Variants in PAPPA observed in about 807,000 individuals in gnomAD.
PAPPA encodes the protein pappalysin-1.
In PAPPA, 60 loss-of-function variants were observed where a neutral mutation model predicts 164.0. That is an observed-to-expected ratio of 0.37 (90% confidence interval 0.30 to 0.45). The LOEUF (loss-of-function observed/expected upper bound fraction) is 0.45, where lower values mean the gene tolerates loss of function less well. PAPPA is among the 20% of genes least tolerant of loss of function. The probability of loss-of-function intolerance (pLI) is 1.00; values close to 1 mark genes in which losing one functional copy is unlikely to be tolerated. For missense variants in PAPPA, 1,782 were observed against 2,087.3 expected, an observed-to-expected ratio of 0.85 and a Z score of 2.85; for synonymous variants, 875 against 814.1, an observed-to-expected ratio of 1.07 and a Z score of -1.27.
chr9:116,353,754 T>C lies in PAPPA; in HGVS notation c.4308T>C (p.Ser1436=), dbSNP rs752442063. The C allele has an allele frequency of 3.1e-6, 5 of 1,614,004 alleles. No homozygotes were observed. In the South Asian group the frequency reaches 5.5e-5, roughly 18 times the overall value. ...GTACTAATGGCTTCCAGTTCAACAG[T>C]GAGTGTAGGATCAAGTGTGAAGACA... ...YQCTNGFQFN[S]ECRIKCEDSD... The change falls in exon 17 of 22, where the codon AGT becomes AGC. Residue 1436 remains serine (S), a synonymous_variant. Coordinates refer to ENST00000328252, the MANE Select transcript of PAPPA (RefSeq NM_002581.5).
At chr9:116,218,360 A>G (rs1386702226) in intron 4 of PAPPA, among the ~76,000 whole-genome samples, 1 of 152,238 alleles carries the variant, frequency 6.6e-6, no homozygotes, top group Non-Finnish European at 1.5e-5. Flanking sequence ...AAACCAGTAT[A>G]TGCTGCAGGA....
intron 19 of PAPPA, among the ~76,000 whole-genome samples, chr9:116,376,507 G>A (rs1308506641): frequency 6.6e-6 from 1 of 152,042 alleles, no homozygotes; most frequent in Non-Finnish European, 1.5e-5. Context: ...AACAGCTATG[G>A]AGCATGGGGA....
At chr9:116,267,896 A>AG (rs1564204587) in intron 8 of PAPPA, among the ~76,000 whole-genome samples, 3 of 151,104 alleles carry the variant, frequency 2.0e-5, no homozygotes, top group Non-Finnish European at 4.4e-5. Context: ...AAAAAAAAAA[A>AG]AAAAAAAAAA....
intron 1 of PAPPA, among the ~76,000 whole-genome samples, chr9:116,167,078 T>G (rs1843726967): frequency 1.3e-5 from 2 of 152,190 alleles, no homozygotes; most frequent in South Asian, 4.1e-4. Context: ...TTGCAGGTGA[T>G]TTTCAAACAT....
Position 116,227,557 on chromosome 9 carries a change from G to A in PAPPA, c.2233+5G>A. 6.2e-7 allele frequency: 1 copy of A among 1,613,758 alleles called. No individual in the cohort carries two copies. The highest frequency in any genetic ancestry group is 8.5e-7 in the Non-Finnish European group (1 of 1,179,904). Reference sequence around the variant, plus strand: ...GGAGCCCTCGTGAAGCAGAAGGTAAGCCAGCCTTCTGGAAGCTCATTGACA... The same window carrying A: ...GGAGCCCTCGTGAAGCAGAAGGTAAACCAGCCTTCTGGAAGCTCATTGACA... On this transcript the variant is annotated splice_donor_5th_base_variant and intron_variant, in intron 6 of 21. Transcript: ENST00000328252.
intron 9 of PAPPA, among the ~76,000 whole-genome samples, chr9:116,282,274 G>A (rs1042850334): frequency 2.6e-5 from 4 of 152,094 alleles, no homozygotes; most frequent in Non-Finnish European, 5.9e-5. Context: ...ATAAATAGTT[G>A]TTATACTGTA....
At chr9:116,270,667 C>A (rs1216216063) in intron 8 of PAPPA, among the ~76,000 whole-genome samples, 2 of 152,154 alleles carry the variant, frequency 1.3e-5, no homozygotes, top group Non-Finnish European at 2.9e-5. Context: ...CCCATCCCAA[C>A]CCTTTGCAAA....
intron 17 of PAPPA, 150 bp downstream of exon 17, chr9:116,353,943 AG>A: frequency 1.8e-6 from 1 of 543,136 alleles, no homozygotes; most frequent in Non-Finnish European, 3.1e-6. Context: ...ATTTGCTCAG[AG>A]ATTCTTAGCT....
At chr9:116,231,575 G>A (rs934513615) in intron 6 of PAPPA, among the ~76,000 whole-genome samples, 2 of 152,028 alleles carry the variant, frequency 1.3e-5, no homozygotes, top group Non-Finnish European at 2.9e-5. Flanking sequence ...GATCATGTTG[G>A]CAAGCTTATT....
intron 21 of PAPPA, among the ~76,000 whole-genome samples, chr9:116,396,184 C>T (rs1846960415): frequency 6.6e-6 from 1 of 152,090 alleles, no homozygotes; most frequent in African/African-American, 2.4e-5. Context: ...GCTTCAGTTT[C>T]CCCATCAATA....
intron 1 of PAPPA, among the ~76,000 whole-genome samples, chr9:116,162,731 C>A (rs1843682595): frequency 6.6e-6 from 1 of 152,152 alleles, no homozygotes; most frequent in Non-Finnish European, 1.5e-5. Flanking sequence ...AACGTTAACT[C>A]ATATCAGTAT....
intron 14 of PAPPA, among the ~76,000 whole-genome samples, chr9:116,345,395 G>A (rs1260108399): frequency 6.7e-6 from 1 of 148,996 alleles, no homozygotes; most frequent in Admixed American, 6.7e-5. Context: ...AATATATGTA[G>A]TAGGCACAGG....
chr9:116,401,289 A>ACTT lies in PAPPA; in HGVS notation c.*4674_*4676dup, dbSNP rs1847050467. 2.0e-5 allele frequency: 3 copies of ACTT among 152,536 alleles called. No homozygotes were observed. The Admixed American group carries it at 2.0e-4, about 10-fold the overall frequency. The allele number at this position is 152,536 out of a possible 1,614,324, so 9.4% of individuals were successfully genotyped here. A position where few individuals can be genotyped will look rare whatever the true frequency, so the allele number is the denominator to read the frequency against. ...TACTTAAGACTTCTGGTCATTTCCA[A>ACTT]CTTATAGAGGAAGGGAGTCTCTAAA... is the stretch of plus-strand genomic sequence containing the variant. On this transcript the variant is annotated 3_prime_UTR_variant, in exon 22 of 22. Coordinates refer to ENST00000328252, the MANE Select transcript of PAPPA (RefSeq NM_002581.5).
At chr9:116,317,811 T>C (rs930351451) in intron 10 of PAPPA, among the ~76,000 whole-genome samples, 2 of 152,202 alleles carry the variant, frequency 1.3e-5, no homozygotes, top group Non-Finnish European at 2.9e-5. Context: ...TGTCTAGAGT[T>C]GAGTGTTCAT....
chr9:116,353,265 C>T (rs760095842), intron 16 of PAPPA, among the ~76,000 whole-genome samples: 2 of 152,022 alleles, frequency 1.3e-5, no homozygotes, highest in Non-Finnish European at 2.9e-5. Flanking sequence ...AAAGTGCTCA[C>T]AAAATGCTTT....
Position 116,243,206 on chromosome 9 carries a change from C to A in PAPPA, c.2732+7569C>A, listed in dbSNP as rs1185526895. ...TTATCAAATGCTGATTTAGTACAAT[C>A]CCTGTGCTAAGAACCATGACACATT... On this transcript the variant is annotated intron_variant, in intron 7 of 21. Transcript: ENST00000328252. Among the ~76,000 whole-genome samples, 4 of 152,178 alleles carry A rather than the reference C, an allele frequency of 2.6e-5. No individual in the cohort carries two copies. The East Asian group carries it at 7.7e-4, about 29-fold the overall frequency.
intron 9 of PAPPA, among the ~76,000 whole-genome samples, chr9:116,285,167 CTTTCTTTTTTT>C (rs1418017651): frequency 4.4e-5 from 4 of 90,098 alleles, no homozygotes; most frequent in Admixed American, 2.2e-4. Flanking sequence ...TCTTTTCTTT[CTTTCTTTTTTT>C]TTTTTTTTTT....
chr9:116,227,937 G>A (rs1421065765), intron 6 of PAPPA, among the ~76,000 whole-genome samples: 1 of 152,026 alleles, frequency 6.6e-6, no homozygotes, highest in Non-Finnish European at 1.5e-5. Context: ...AGGCATCAGT[G>A]GTCTTTGATT....
At chr9:116,196,610 A>C (rs7847418) in intron 2 of PAPPA, among the ~76,000 whole-genome samples, 15 of 152,210 alleles carry the variant, frequency 9.9e-5, no homozygotes, top group African/African-American at 2.7e-4. Context: ...GGGAACCTCC[A>C]CACCTCCACT....
Sources: allele counts gnomAD v4.1 joint callset (sites outside exome capture counted in the v4.1 genomes callset), GRCh38; gene constraint gnomAD v4.1.1; transcripts MANE v1.5; gene names NCBI Gene and HGNC (gene_info 2026-07-23, HGNC 2026-07-21).